Variants in MCF2L2 observed in about 807,000 individuals in gnomAD.
MCF2L2 encodes MCF.2 cell line derived transforming sequence-like 2.
A neutral mutation model predicts 150.2 loss-of-function variants in MCF2L2; 102 were observed. That is an observed-to-expected ratio of 0.68 (90% CI 0.58 to 0.80). The LOEUF is 0.80. Among genes scored for constraint, MCF2L2 ranks in the 30% least tolerant of loss-of-function variants. MCF2L2 has a pLI of 0.00. For synonymous variants in MCF2L2, 465 were observed against 491.3 expected (o/e 0.95, Z 0.71); for missense variants, 1,256 against 1,372.8 (o/e 0.91, Z 1.34).
intron 20 of MCF2L2, among the ~76,000 whole-genome samples, chr3:183,220,507 T>A (rs1286543901): frequency 6.6e-6 from 1 of 152,170 alleles, no homozygotes; most frequent in East Asian, 1.9e-4. Flanking sequence ...TCAACAATAT[T>A]TTTTACTATA....
intron 5 of MCF2L2, among the ~76,000 whole-genome samples, chr3:183,329,336 C>T (rs60592763): frequency 2.0e-5 from 3 of 152,120 alleles, no homozygotes; most frequent in Non-Finnish European, 4.4e-5. Context: ...TACAGGCACA[C>T]CCACCATGCC....
intron 10 of MCF2L2, among the ~76,000 whole-genome samples, chr3:183,301,221 A>G (rs924348010): frequency 6.6e-6 from 1 of 152,040 alleles, no homozygotes; most frequent in Non-Finnish European, 1.5e-5. Context: ...AGAACCTGCT[A>G]TTTGCCAAAC....
intron 15 of MCF2L2, 184 bp downstream of exon 15, chr3:183,276,688 T>C (rs1017913740): frequency 8.5e-6 from 4 of 467,854 alleles, no homozygotes; most frequent in African/African-American, 8.1e-5. Flanking sequence ...TTAAGCTCTT[T>C]TGCTTGTTGC....
At chr3:183,233,352 C>CA (rs71185646) in intron 15 of MCF2L2, among the ~76,000 whole-genome samples, 33 of 146,444 alleles carry the variant, frequency 2.3e-4, no homozygotes, top group Middle Eastern at 3.6e-3. Flanking sequence ...AACTCCATCT[C>CA]AAAAAAAAAA....
chr3:183,193,354 TTTC>T (rs201973838), intron 26 of MCF2L2, among the ~76,000 whole-genome samples: 14 of 125,428 alleles, frequency 1.1e-4, no homozygotes, highest in African/African-American at 5.9e-4. Flanking sequence ...TTTCTTTTTC[TTTC>T]TTTTTTTTTT....
intron 26 of MCF2L2, 89 bp downstream of exon 26, chr3:183,195,133 A>C (rs1179311415): frequency 9.2e-7 from 1 of 1,092,074 alleles, no homozygotes; most frequent in Non-Finnish European, 1.3e-6. Flanking sequence ...GTGTTGGGGG[A>C]AGAAAAGCAA....
intron 22 of MCF2L2, among the ~76,000 whole-genome samples, chr3:183,208,944 C>T (rs772619135): frequency 1.3e-5 from 2 of 152,170 alleles, no homozygotes; most frequent in Non-Finnish European, 2.9e-5. Flanking sequence ...GTGTCTATGG[C>T]GTTATTTCCT....
intron 1 of MCF2L2, among the ~76,000 whole-genome samples, chr3:183,404,098 C>T (rs1354487524): frequency 6.6e-6 from 1 of 151,914 alleles, no homozygotes; most frequent in Non-Finnish European, 1.5e-5. Flanking sequence ...ATAAAAAAAC[C>T]TTCTATAAAC....
At chr3:183,392,662 A>C (rs1714224580) in intron 1 of MCF2L2, among the ~76,000 whole-genome samples, 1 of 152,224 alleles carries the variant, frequency 6.6e-6, no homozygotes, top group Admixed American at 6.5e-5. Flanking sequence ...GCAACAGATC[A>C]TGAGGCTTTC....
intron 25 of MCF2L2, among the ~76,000 whole-genome samples, chr3:183,196,433 G>A (rs9825767): frequency 2.6e-5 from 4 of 152,224 alleles, no homozygotes; most frequent in South Asian, 2.1e-4. Context: ...TAAAGTGCTC[G>A]GCAGGCGTAA....
At position 183,311,637 on chromosome 3, in the gene MCF2L2, C is replaced by T; in HGVS notation, c.878+11G>A. The T allele has an allele frequency of 6.2e-7, 1 of 1,613,634 alleles. No individual in the cohort carries two copies. Among genetic ancestry groups the T allele is most frequent in the Non-Finnish European group, 8.5e-7 (1 of 1,179,804 alleles). On this transcript the variant is annotated intron_variant, in intron 8 of 29. Transcript: ENST00000328913. ...TCTCCTGAAAAGGCTGATTCCACTT[C>T]ACTCACTCACCTTTCCATGGTAGTT...
At chr3:183,370,657 T>C (rs930138666) in intron 3 of MCF2L2, among the ~76,000 whole-genome samples, 1 of 140,744 alleles carries the variant, frequency 7.1e-6, no homozygotes, top group African/African-American at 3.1e-5. Context: ...ATCATACACA[T>C]ATGAGGTCAT....
chr3:183,314,781 CAT>C (rs1327492045), intron 7 of MCF2L2, among the ~76,000 whole-genome samples: 1 of 148,646 alleles, frequency 6.7e-6, no homozygotes, highest in East Asian at 2.0e-4. Context: ...TATTTGACGA[CAT>C]ATAGAATCTT....
intron 15 of MCF2L2, among the ~76,000 whole-genome samples, chr3:183,244,652 T>C (rs74730654): frequency 0.015 from 2,274 of 152,272 alleles, 52 homozygotes; most frequent in African/African-American, 0.052. Context: ...ATTTTACAGA[T>C]GTAAAAACAG....
In MCF2L2 at chr3:183,300,001, TC is replaced by T. The variant is rs1223227547; in HGVS notation, c.1305+3del. ...CATCATGTTCTTGGCTGTGTTTTGC[TC>T]ACCTTGTCCAGCTGTCTATGAAACT... On this transcript the variant is annotated splice_donor_region_variant and intron_variant, in intron 11 of 29. Transcript: ENST00000328913. The T allele has an allele frequency of 1.2e-6, 2 of 1,609,482 alleles. No individual in the cohort carries two copies. The highest frequency in any genetic ancestry group is 1.7e-6 in the Non-Finnish European group (2 of 1,178,884).
chr3:183,182,998 T>TTTA (rs1317124384), intron 27 of MCF2L2, among the ~76,000 whole-genome samples: 1 of 151,976 alleles, frequency 6.6e-6, no homozygotes, highest in Non-Finnish European at 1.5e-5. Context: ...GCCCTGGGCT[T>TTTA]TTATTTATTT....
At chr3:183,427,878 AG>A (rs1179730752) in intron 1 of MCF2L2, 23 bp downstream of exon 1, 2 of 1,607,894 alleles carry the variant, frequency 1.2e-6, no homozygotes, top group East Asian at 4.5e-5. Flanking sequence ...AATAAAACGC[AG>A]GAAAAATTAA....
At chr3:183,373,591 C>T (rs1713014953) in intron 3 of MCF2L2, 1 of 152,156 alleles carries the variant, frequency 6.6e-6, no homozygotes, top group African/African-American at 2.4e-5. Context: ...CATAGCTTCT[C>T]CCTATCCGCT....
intron 21 of MCF2L2, among the ~76,000 whole-genome samples, chr3:183,216,582 T>A (rs9820374): frequency 0.043 from 66 of 1,542 alleles, no homozygotes; most frequent in Non-Finnish European, 0.061. Context: ...ATATATATAT[T>A]TTTTTTTTTT....
Sources: allele counts gnomAD v4.1 joint callset (sites outside exome capture counted in the v4.1 genomes callset), GRCh38; gene constraint gnomAD v4.1.1; transcripts MANE v1.5; gene names NCBI Gene and HGNC (gene_info 2026-07-23, HGNC 2026-07-21).